The following AMMECR1 variants were observed in gnomAD, a reference collection of about 807,000 sequenced individuals.
AMMECR1 encodes the protein nuclear protein AMMECR1.
In AMMECR1, 3 loss-of-function variants were observed where a neutral mutation model predicts 22.5. The ratio of observed to expected loss-of-function variants is 0.13; its 90% CI spans 0.06 to 0.35. The LOEUF is 0.35. Ranked by LOEUF, AMMECR1 falls within the 10% of genes least tolerant of loss-of-function variation. The pLI is 1.00. For missense variants in AMMECR1, 235 were observed against 278.7 expected (o/e 0.84, Z 1.12); for synonymous variants, 130 against 116.7 (o/e 1.11, Z -0.74).
chrX:110,223,347 GAATAT>G (rs1469789577), intron 2 of AMMECR1, among the ~76,000 whole-genome samples: 1 of 111,997 alleles, frequency 8.9e-6, no homozygotes, highest in Admixed American at 9.5e-5. Context: ...AAAGTAAAAT[GAATAT>G]AATTTAATTT....
rs1056601162 is a variant in AMMECR1, at chrX:110,299,021, T to C, written c.473+18578A>G. 7.1e-5 allele frequency among the ~76,000 whole-genome samples: 8 copies of C among 112,170 alleles called. No homozygotes were observed. In the East Asian group the frequency reaches 2.2e-3, roughly 31 times the overall value. On this transcript the variant is annotated intron_variant, in intron 1 of 5. Coordinates refer to ENST00000262844, the MANE Select transcript of AMMECR1 (RefSeq NM_015365.3). ...TTTATTTACATTTCATTGTATTTCA[T>C]TTAATTGAGAAATTAATTTGAAGAA...
intron 2 of AMMECR1, among the ~76,000 whole-genome samples, chrX:110,395,473 T>C (rs184083572): frequency 4.5e-5 from 5 of 111,830 alleles, no homozygotes; most frequent in African/African-American, 1.6e-4. Flanking sequence ...TCCTTGGTAA[T>C]CCTCATGTAA....
intron 3 of AMMECR1, among the ~76,000 whole-genome samples, chrX:110,208,975 A>ATTCC (rs1441636471): frequency 9.0e-6 from 1 of 111,411 alleles, no homozygotes; most frequent in Admixed American, 9.6e-5. Context: ...AGAAAAATGC[A>ATTCC]TTCCTTCCAT....
At chrX:110,269,166 A>G (rs1398600245) in intron 1 of AMMECR1, among the ~76,000 whole-genome samples, 1 of 112,082 alleles carries the variant, frequency 8.9e-6, no homozygotes, top group Non-Finnish European at 1.9e-5. Flanking sequence ...ATGTAGTTGC[A>G]TACAATCAGC....
At chrX:110,222,556 C>A (rs1368910836) in intron 2 of AMMECR1, among the ~76,000 whole-genome samples, 8 of 97,270 alleles carry the variant, frequency 8.2e-5, no homozygotes, top group Admixed American at 7.9e-4. Context: ...TGTAACTAAC[C>A]TGCACAATGT....
At chrX:110,322,320 G>C (rs2068082052), upstream of AMMECR1, among the ~76,000 whole-genome samples, 1 of 111,957 alleles carries the variant, frequency 8.9e-6, no homozygotes, top group Admixed American at 9.4e-5. Flanking sequence ...AGTGTTATTT[G>C]GGGCAGTTAG....
At chrX:110,200,897 T>A in intron 5 of AMMECR1, 57 bp downstream of exon 5, 1 of 845,037 alleles carries the variant, frequency 1.2e-6, no homozygotes, top group South Asian at 2.1e-5. Flanking sequence ...CAAAGGGTTA[T>A]AGGCATACAC....
At chrX:110,269,321 C>A (rs1428956234) in intron 1 of AMMECR1, among the ~76,000 whole-genome samples, 1 of 111,547 alleles carries the variant, frequency 9.0e-6, no homozygotes, top group African/African-American at 3.3e-5. Flanking sequence ...AATATTTTAC[C>A]TTAAACCCTA....
At chrX:110,379,760 C>T (rs756390538) in intron 2 of AMMECR1, among the ~76,000 whole-genome samples, 7 of 111,778 alleles carry the variant, frequency 6.3e-5, no homozygotes, top group Non-Finnish European at 1.3e-4. Flanking sequence ...TTCCCAATAC[C>T]GATGAACTAA....
Position 110,381,994 on chromosome X carries a change from CT to C in AMMECR1, c.-148+44663del, listed in dbSNP as rs1284911385. Among the ~76,000 whole-genome samples the C allele has an allele frequency of 8.1e-5, 9 of 110,797 alleles. No individual in the cohort carries two copies. In the South Asian group the frequency reaches 3.1e-3, roughly 38 times the overall value. ...TGTAATAAACCTGTACATGTACCCCCTGAATCTAAAATAAAAATTAAAAAAA... is the reference window on the plus strand; with the variant it reads ...TGTAATAAACCTGTACATGTACCCCCGAATCTAAAATAAAAATTAAAAAAA... On this transcript the variant is annotated intron_variant, in intron 2 of 7. Transcript: ENST00000372057.
At chrX:110,436,245 A>G (rs1200910059) in intron 1 of AMMECR1, among the ~76,000 whole-genome samples, 1 of 111,265 alleles carries the variant, frequency 9.0e-6, no homozygotes, top group African/African-American at 3.3e-5. Context: ...GCTCCTGGAG[A>G]GTCAGGATGT....
At chrX:110,246,856 T>A (rs1391115283) in intron 2 of AMMECR1, among the ~76,000 whole-genome samples, 1 of 112,419 alleles carries the variant, frequency 8.9e-6, no homozygotes, top group Non-Finnish European at 1.9e-5. Context: ...TTGAATTTTT[T>A]AAACTTTTTG....
chrX:110,331,845 G>A lies in AMMECR1; in HGVS notation c.-147-13996C>T, dbSNP rs752842095. On this transcript the variant is annotated intron_variant, in intron 2 of 7. Transcript: ENST00000372057. ...ACTTTGTACTCTGGTCAGATTATTG[G>A]CAGTTCCTTGAGTATGCTATGTATT... Among the ~76,000 whole-genome samples, 3 of 110,938 alleles carry A rather than the reference G, an allele frequency of 2.7e-5. No homozygotes were observed. The South Asian group carries it at 1.2e-3, about 43-fold the overall frequency.
At chrX:110,366,689 A>T (rs1292192367) in intron 2 of AMMECR1, among the ~76,000 whole-genome samples, 1 of 111,625 alleles carries the variant, frequency 9.0e-6, no homozygotes, top group African/African-American at 3.3e-5. Flanking sequence ...ATGTGATTTG[A>T]ATAACAGACA....
At chrX:110,438,682 A>AT (rs982218776) in intron 1 of AMMECR1, among the ~76,000 whole-genome samples, 141 of 107,890 alleles carry the variant, frequency 1.3e-3, no homozygotes, top group African/African-American at 2.3e-3. Context: ...TCCTGTCTTG[A>AT]TTTTTTTTTT....
intron 2 of AMMECR1, among the ~76,000 whole-genome samples, chrX:110,257,334 C>T (rs1403240541): frequency 8.9e-6 from 1 of 111,919 alleles, no homozygotes; most frequent in Non-Finnish European, 1.9e-5. Context: ...TAAACTATAA[C>T]TTTTAATTTT....
rs2067384585 is a variant in AMMECR1, at chrX:110,199,086, A to G, written c.888-452T>C. Among the ~76,000 whole-genome samples the G allele has an allele frequency of 2.7e-5, 3 of 111,426 alleles. No individual in the cohort carries two copies. In the South Asian group the frequency reaches 1.1e-3, roughly 42 times the overall value. Reference sequence around the variant, plus strand: ...GTATCCTGAACTCTCACTTTTCCCCATGTCTGGCTTTCTTTTCATTGCCAC... The same window carrying G: ...GTATCCTGAACTCTCACTTTTCCCCGTGTCTGGCTTTCTTTTCATTGCCAC... On this transcript the variant is annotated intron_variant, in intron 5 of 5. Transcript: ENST00000262844.
chrX:110,274,865 T>C (rs2067817927), intron 1 of AMMECR1, among the ~76,000 whole-genome samples: 1 of 111,939 alleles, frequency 8.9e-6, no homozygotes, highest in South Asian at 3.7e-4. Flanking sequence ...TATTAGCTTA[T>C]TAGTTATGCC....
At chrX:110,221,386 G>A (rs1327074784) in intron 2 of AMMECR1, among the ~76,000 whole-genome samples, 2 of 111,575 alleles carry the variant, frequency 1.8e-5, no homozygotes, top group Non-Finnish European at 3.8e-5. Flanking sequence ...AGCAATTTTA[G>A]CTTTCTAAAA....
Sources: allele counts gnomAD v4.1 joint callset (sites outside exome capture counted in the v4.1 genomes callset), GRCh38; gene constraint gnomAD v4.1.1; transcripts MANE v1.5; gene names NCBI Gene and HGNC (gene_info 2026-07-23, HGNC 2026-07-21).